Variants in TMED8 observed in about 807,000 individuals in gnomAD.
TMED8 encodes protein TMED8.
Under a neutral mutation model 32.7 loss-of-function variants are expected in TMED8, and 15 were observed. The observed-to-expected ratio is 0.46, with a 90% CI of 0.31 to 0.71. The LOEUF is 0.71. Ranked by LOEUF, TMED8 falls within the 30% of genes least tolerant of loss-of-function variation. The pLI is 0.06. For missense variants in TMED8, 390 were observed against 423.9 expected (o/e 0.92, Z 0.70); for synonymous variants, 147 against 161.4 (o/e 0.91, Z 0.68).
intron 1 of TMED8, among the ~76,000 whole-genome samples, chr14:77,354,474 TAC>T (rs1475048233): frequency 1.3e-5 from 2 of 152,176 alleles, no homozygotes; most frequent in Admixed American, 6.5e-5. Flanking sequence ...TAGAAAAAAG[TAC>T]AGATAAGAAA....
intron 1 of TMED8, among the ~76,000 whole-genome samples, chr14:77,358,066 G>A (rs143562393): frequency 0.025 from 3,727 of 146,828 alleles, 171 homozygotes; most frequent in African/African-American, 0.089. Context: ...GGAGGTTGCA[G>A]TGAGCTGAGA....
rs116376390 is a variant in TMED8 at position 77,347,081 on chromosome 14, C to G, written c.198-603G>C. Among the ~76,000 whole-genome samples the G allele has an allele frequency of 7.9e-3, 1,205 of 152,260 alleles. 19 individuals carry two copies. The highest frequency in any genetic ancestry group is 0.027 in the African/African-American group (1,142 of 41,540). On this transcript the variant is annotated intron_variant, in intron 2 of 5. Transcript: ENST00000216468. ...TGACCAACATCTCCCCATCCCACCC[C>G]CTGGCCCCAACACCTATTAACCACC...
chr14:77,362,506 C>T (rs375210418), intron 1 of TMED8, among the ~76,000 whole-genome samples: 2 of 151,916 alleles, frequency 1.3e-5, no homozygotes, highest in African/African-American at 4.8e-5. Context: ...AGAAAGGAAT[C>T]AAAGCTCAGC....
chr14:77,365,410 T>C (rs977536641), intron 1 of TMED8, among the ~76,000 whole-genome samples: 6 of 152,158 alleles, frequency 3.9e-5, no homozygotes, highest in Non-Finnish European at 5.9e-5. Flanking sequence ...CAGATACACA[T>C]ATAGTTAACT....
At chr14:77,352,092 G>A (rs147974446) in intron 1 of TMED8, among the ~76,000 whole-genome samples, 2,719 of 152,170 alleles carry the variant, frequency 0.018, 45 homozygotes, top group Middle Eastern at 0.078. Flanking sequence ...TTGAGACCAG[G>A]AGTTCAAAAC....
rs142081288 is a variant in TMED8, at chr14:77,345,708, A to G, written c.327+641T>C. 5.0e-4 allele frequency among the ~76,000 whole-genome samples: 75 copies of G among 151,288 alleles called. 1 individual carries two copies. Among genetic ancestry groups the G allele is most frequent in the East Asian group, 3.3e-3 (17 of 5,138 alleles). ...ATCAAGGCCAGGCACAGTGGCTCAC[A>G]TCTGTAATCATAGCACTTTGGGAGG... On this transcript the variant is annotated intron_variant, in intron 3 of 5. Coordinates refer to ENST00000216468, the MANE Select transcript of TMED8 (RefSeq NM_213601.3).
chr14:77,375,749 C>T, intron 1 of TMED8, among the ~76,000 whole-genome samples: 1 of 152,104 alleles, frequency 6.6e-6, no homozygotes, highest in East Asian at 1.9e-4. Flanking sequence ...GCCATACATC[C>T]AAGAACACCT....
intron 2 of TMED8, among the ~76,000 whole-genome samples, chr14:77,347,232 G>A (rs1893068874): frequency 6.6e-6 from 1 of 152,194 alleles, no homozygotes; most frequent in Non-Finnish European, 1.5e-5. Context: ...CCACTGGCTA[G>A]AAGCAAAAGG....
intron 1 of TMED8, among the ~76,000 whole-genome samples, chr14:77,357,236 G>A (rs972228639): frequency 1.3e-5 from 2 of 152,016 alleles, no homozygotes; most frequent in South Asian, 4.1e-4. Flanking sequence ...AATTCCTATT[G>A]TATTACATTA....
In TMED8 at chr14:77,335,043, GTTTA is replaced by G. The variant is rs750241103; in HGVS notation, c.*6724_*6727del. 3.3e-5 allele frequency: 5 copies of G among 152,152 alleles called. No homozygotes were observed. Among genetic ancestry groups the G allele is most frequent in the Non-Finnish European group, 7.3e-5 (5 of 68,030 alleles). The allele number at this position is 152,152 out of a possible 1,614,324, so 9.4% of individuals were successfully genotyped here. A position where few individuals can be genotyped will look rare whatever the true frequency, so the allele number is the denominator to read the frequency against. On this transcript the variant is annotated 3_prime_UTR_variant, in exon 6 of 6. Coordinates refer to ENST00000216468, the MANE Select transcript of TMED8 (RefSeq NM_213601.3). The stretch of plus-strand genomic sequence containing the variant: ...ATGTTACCAGGTGCATAGTGAAAAA[GTTTA>G]TTTATGACAGATTCGAAAACTCAGA...
chr14:77,336,273 T>C lies in TMED8; in HGVS notation c.*5498A>G, dbSNP rs534889690. 4 of 152,280 alleles carry C rather than the reference T, an allele frequency of 2.6e-5. No homozygotes were observed. Among genetic ancestry groups the C allele is most frequent in the African/African-American group, 7.2e-5 (3 of 41,568 alleles). 9.4% of individuals were successfully genotyped at this position (152,280 alleles called of 1,614,324 possible). ...AAATAAACATGCATCTCTAGATTTCTAGGGCAACTTTTCATCATATCTTTG... is the reference window on the plus strand; with the variant it reads ...AAATAAACATGCATCTCTAGATTTCCAGGGCAACTTTTCATCATATCTTTG... On this transcript the variant is annotated 3_prime_UTR_variant, in exon 6 of 6. Transcript: ENST00000216468.
chr14:77,344,820 C>G (rs764653866), intron 3 of TMED8, among the ~76,000 whole-genome samples: 5 of 152,162 alleles, frequency 3.3e-5, no homozygotes, highest in African/African-American at 1.2e-4. Flanking sequence ...AGAATAAGCC[C>G]TCCAGTTCTC....
Position 77,364,452 on chromosome 14 carries a change from C to A in TMED8, c.118+12484G>T, listed in dbSNP as rs1056163567. On this transcript the variant is annotated intron_variant, in intron 1 of 5. Transcript: ENST00000216468. ...TAGAGATGGGGTTTCCCTATGACGCCCAGGCTGGTCTCAAACTCCTAGGCT... is the reference window on the plus strand; with the variant it reads ...TAGAGATGGGGTTTCCCTATGACGCACAGGCTGGTCTCAAACTCCTAGGCT... 2.6e-5 allele frequency among the ~76,000 whole-genome samples: 4 copies of A among 152,140 alleles called. No homozygotes were observed. The East Asian group carries it at 7.7e-4, about 29-fold the overall frequency.
chr14:77,345,671 A>G (rs1893011140), intron 3 of TMED8, among the ~76,000 whole-genome samples: 1 of 91,672 alleles, frequency 1.1e-5, no homozygotes, highest in African/African-American at 4.3e-5. Context: ...AAAAAAAAAA[A>G]AAAAAAAAAA....
intron 1 of TMED8, among the ~76,000 whole-genome samples, chr14:77,368,620 G>T (rs1470951134): frequency 1.3e-5 from 2 of 152,118 alleles, no homozygotes; most frequent in Non-Finnish European, 2.9e-5. Context: ...TGGGACTACA[G>T]GCACGTGCCA....
Position 77,370,799 on chromosome 14 carries a change from C to T in TMED8, c.118+6137G>A, listed in dbSNP as rs575830563. Among the ~76,000 whole-genome samples, 21 of 151,634 alleles carry T rather than the reference C, an allele frequency of 1.4e-4. No individual in the cohort carries two copies. In the South Asian group the frequency reaches 4.4e-3, roughly 32 times the overall value. Reference sequence around the variant, plus strand: ...TTCACTTTTTTACACAAAAAATGGGCATGCTTAGGCGTGGTGGTGCGTGCC... The same window carrying T: ...TTCACTTTTTTACACAAAAAATGGGTATGCTTAGGCGTGGTGGTGCGTGCC... On this transcript the variant is annotated intron_variant, in intron 1 of 5. Transcript: ENST00000216468.
At chr14:77,360,705 C>A (rs1329372487) in intron 1 of TMED8, among the ~76,000 whole-genome samples, 2 of 152,102 alleles carry the variant, frequency 1.3e-5, no homozygotes, top group African/African-American at 4.8e-5. Flanking sequence ...GGTATATATT[C>A]AGAATGGGGG....
chr14:77,356,378 G>A (rs941715064), intron 1 of TMED8, among the ~76,000 whole-genome samples: 122 of 152,160 alleles, frequency 8.0e-4, no homozygotes, highest in African/African-American at 2.9e-3. Context: ...ACTAATTACT[G>A]CTGTTTAAAA....
At position 77,338,639 on chromosome 14, in the gene TMED8, G is replaced by C. The variant is rs1594835612; in HGVS notation, c.*3132C>G. 2.0e-5 allele frequency: 3 copies of C among 152,308 alleles called. No individual in the cohort carries two copies. Among genetic ancestry groups the C allele is most frequent in the Admixed American group, 2.0e-4 (3 of 15,304 alleles). The allele number at this position is 152,308 out of a possible 1,614,324, so 9.4% of individuals were successfully genotyped here. A position where few individuals can be genotyped will look rare whatever the true frequency, so the allele number is the denominator to read the frequency against. ...CCTGGACCTTCTGTCTCCCTCAAAT[G>C]TATAAAACTGTAACCCGACTACCTC... On this transcript the variant is annotated 3_prime_UTR_variant, in exon 6 of 6. Transcript: ENST00000216468.
Sources: allele counts gnomAD v4.1 joint callset (sites outside exome capture counted in the v4.1 genomes callset), GRCh38; gene constraint gnomAD v4.1.1; transcripts MANE v1.5; gene names NCBI Gene and HGNC (gene_info 2026-07-23, HGNC 2026-07-21).